Variants in PSMC2 observed in about 807,000 individuals in gnomAD.
PSMC2 encodes 26S proteasome regulatory subunit 7.
A neutral mutation model predicts 53.3 loss-of-function variants in PSMC2; 7 were observed. That is an observed-to-expected ratio of 0.13 (90% CI 0.07 to 0.25). PSMC2 has a LOEUF of 0.25. Among genes scored for constraint, PSMC2 ranks in the 10% least tolerant of loss-of-function variants. The pLI is 1.00. For missense variants in PSMC2, 241 were observed against 544.0 expected (o/e 0.44, Z 5.54); for synonymous variants, 169 against 183.9 (o/e 0.92, Z 0.66).
intron 1 of PSMC2, chr7:103,348,860 T>A: frequency 1.8e-6 from 1 of 545,456 alleles, no homozygotes; most frequent in Non-Finnish European, 3.4e-6. Flanking sequence ...TTTAAAAAAA[T>A]GAATAATCTT....
rs1180665415 is a variant in PSMC2, at chr7:103,368,666, G to A, written c.*612G>A. 2 of 152,016 alleles carry A rather than the reference G, an allele frequency of 1.3e-5. No individual in the cohort carries two copies. Among genetic ancestry groups the A allele is most frequent in the African/African-American group, 4.8e-5 (2 of 41,366 alleles). The allele number at this position is 152,016 out of a possible 1,614,324, so 9.4% of individuals were successfully genotyped here. A position where few individuals can be genotyped will look rare whatever the true frequency, so the allele number is the denominator to read the frequency against. ...TGCCATTTGATTTCAAATTAATCAGGAAGAATTAGTGATTTTAATGAGCAG... is the reference window on the plus strand; with the variant it reads ...TGCCATTTGATTTCAAATTAATCAGAAAGAATTAGTGATTTTAATGAGCAG... On this transcript the variant is annotated 3_prime_UTR_variant, in exon 12 of 12. Coordinates refer to ENST00000292644, the MANE Select transcript of PSMC2 (RefSeq NM_002803.4).
intron 4 of PSMC2, 37 bp from the exon 5 acceptor site, chr7:103,361,920 A>C (rs1464668050): frequency 6.3e-6 from 10 of 1,579,436 alleles, no homozygotes; most frequent in Non-Finnish European, 8.6e-6. Context: ...TTAGTGGCTT[A>C]GGTTCCTTAT....
intron 1 of PSMC2, chr7:103,352,718 C>A: frequency 1.5e-6 from 1 of 683,498 alleles, no homozygotes; most frequent in Non-Finnish European, 2.7e-6. Context: ...ATCCTAAAAA[C>A]AACTCATCCT....
At chr7:103,355,599 T>C in intron 3 of PSMC2, 95 bp from the exon 4 acceptor site, 2 of 905,860 alleles carry the variant, frequency 2.2e-6, no homozygotes, top group South Asian at 3.0e-5. Context: ...CAATGAATGA[T>C]TCAGTGCAAA....
chr7:103,348,538 T>G, intron 1 of PSMC2: 4 of 708,750 alleles, frequency 5.6e-6, no homozygotes, highest in Non-Finnish European at 1.0e-5. Context: ...GTGTAGATTT[T>G]TCCAATTTGT....
At chr7:103,362,421 T>C in intron 5 of PSMC2, 3 of 1,352,150 alleles carry the variant, frequency 2.2e-6, no homozygotes, top group Middle Eastern at 2.9e-4. Flanking sequence ...GTCTATAGAA[T>C]ACATAACAAC....
In PSMC2 at chr7:103,368,126, C is replaced by A; in HGVS notation, c.*72C>A. 1.5e-6 allele frequency: 2 copies of A among 1,325,372 alleles called. No homozygotes were observed. The highest frequency in any genetic ancestry group is 1.6e-5 in the South Asian group (1 of 63,188). 82.1% of individuals were successfully genotyped at this position (1,325,372 alleles called of 1,614,324 possible). On this transcript the variant is annotated 3_prime_UTR_variant, in exon 12 of 12. Transcript: ENST00000292644. ...TATATAGACTTGTTAATAACCAATT[C>A]ATAAACAAATAAATGGCTTCAAAAT...
chr7:103,357,381 C>T (rs1354802134), intron 4 of PSMC2, among the ~76,000 whole-genome samples: 1 of 150,950 alleles, frequency 6.6e-6, no homozygotes, highest in Non-Finnish European at 1.5e-5. Context: ...AACTGTATTT[C>T]CCAATTTCTC....
rs374432802 is a variant in PSMC2, at chr7:103,364,958, C to CATACATATATATAT, written c.756+654_756+655insCATATATATATATA. ...GGTTGTTTTTATGTTTGTAGACATACATATATATATATATATATATATATA... is the reference window on the plus strand; with the variant it reads ...GGTTGTTTTTATGTTTGTAGACATACATACATATATATATATATATATATATATATATATATATA... On this transcript the variant is annotated intron_variant, in intron 8 of 11. Coordinates refer to ENST00000292644, the MANE Select transcript of PSMC2 (RefSeq NM_002803.4). Among the ~76,000 whole-genome samples the CATACATATATATAT allele has an allele frequency of 4.8e-5, 6 of 125,490 alleles. No homozygotes were observed. In the East Asian group the frequency reaches 1.5e-3, roughly 31 times the overall value. 82.3% of individuals were successfully genotyped at this position (125,490 alleles called of 152,430 possible). A position where few individuals can be genotyped will look rare whatever the true frequency, so the allele number is the denominator to read the frequency against.
rs773502466 is a variant in PSMC2, at chr7:103,361,909, A to G, written c.291-48A>G. 1.9e-6 allele frequency: 3 copies of G among 1,551,946 alleles called. No homozygotes were observed. The Admixed American group carries it at 6.1e-5, about 32-fold the overall frequency. On this transcript the variant is annotated intron_variant, in intron 4 of 11. Coordinates refer to ENST00000292644, the MANE Select transcript of PSMC2 (RefSeq NM_002803.4). Reference sequence around the variant, plus strand: ...TATAATCTAGTTAGTTGAATTCATTATTAGTGGCTTAGGTTCCTTATTCTA... The same window carrying G: ...TATAATCTAGTTAGTTGAATTCATTGTTAGTGGCTTAGGTTCCTTATTCTA...
Position 103,369,284 on chromosome 7 carries a change from A to G in PSMC2, c.*1230A>G, listed in dbSNP as rs942360533. On this transcript the variant is annotated 3_prime_UTR_variant, in exon 12 of 12. Coordinates refer to ENST00000292644, the MANE Select transcript of PSMC2 (RefSeq NM_002803.4). ...GCCCTAATTTTTCTTGAGGAATTAA[A>G]TAGAGCAAACTATTTTCAGGTTATG... 21 of 152,230 alleles carry G rather than the reference A, an allele frequency of 1.4e-4. No homozygotes were observed. Among genetic ancestry groups the G allele is most frequent in the African/African-American group, 4.8e-4 (20 of 41,458 alleles). 9.4% of individuals were successfully genotyped at this position (152,230 alleles called of 1,614,324 possible).
chr7:103,347,580 C>G (rs1819629583), upstream of PSMC2: 1 of 1,013,792 alleles, frequency 9.9e-7, no homozygotes, highest in Non-Finnish European at 1.5e-6. Context: ...TGTCCGGACT[C>G]TGAAGCACTG....
chr7:103,364,703 C>T (rs1253295973), intron 8 of PSMC2, among the ~76,000 whole-genome samples: 8 of 151,984 alleles, frequency 5.3e-5, no homozygotes, highest in African/African-American at 9.7e-5. Context: ...CCACCACGCC[C>T]GGCCTGAGAC....
At position 103,368,264 on chromosome 7, in the gene PSMC2, G is replaced by T; in HGVS notation, c.*210G>T. 1 of 502,438 alleles carries T rather than the reference G, an allele frequency of 2.0e-6. No individual in the cohort carries two copies. Among genetic ancestry groups the T allele is most frequent in the Admixed American group, 3.7e-5 (1 of 26,712 alleles). The allele number at this position is 502,438 out of a possible 1,614,324, so 31.1% of individuals were successfully genotyped here. ...TTGACTATTTTTTTGACCCACACCC[G>T]TTTAAGGATTTCACATCATACAAAG... On this transcript the variant is annotated 3_prime_UTR_variant, in exon 12 of 12. Transcript: ENST00000292644.
At chr7:103,348,011 C>G (rs1003690291) in intron 1 of PSMC2, among the ~76,000 whole-genome samples, 2 of 152,150 alleles carry the variant, frequency 1.3e-5, no homozygotes, top group Non-Finnish European at 2.9e-5. Context: ...ATTCTCAGCT[C>G]TCGGGTCTTG....
chr7:103,355,596 T>G, intron 3 of PSMC2, 98 bp from the exon 4 acceptor site: 2 of 881,786 alleles, frequency 2.3e-6, no homozygotes, highest in South Asian at 3.0e-5. Flanking sequence ...TCACAATGAA[T>G]GATTCAGTGC....
intron 1 of PSMC2, 73 bp from the exon 2 acceptor site, chr7:103,353,848 G>A (rs1819870095): frequency 7.8e-7 from 1 of 1,280,042 alleles, no homozygotes; most frequent in Non-Finnish European, 1.1e-6. Flanking sequence ...CAGAAAAAAA[G>A]CTCTAGTTTC....
intron 1 of PSMC2, among the ~76,000 whole-genome samples, chr7:103,349,578 A>G (rs1819682541): frequency 6.6e-6 from 1 of 151,824 alleles, no homozygotes; most frequent in South Asian, 2.1e-4. Flanking sequence ...CCTCCCAAGT[A>G]GCTGGGATTA....
At chr7:103,361,790 G>A (rs977443437) in intron 4 of PSMC2, among the ~76,000 whole-genome samples, 167 bp from the exon 5 acceptor site, 6 of 152,130 alleles carry the variant, frequency 3.9e-5, no homozygotes, top group Non-Finnish European at 8.8e-5. Context: ...GGCTAAAGTC[G>A]AATGGACCTT....
Sources: gnomAD v4.1 joint callset for allele counts (sites outside exome capture counted in the v4.1 genomes callset) on GRCh38, gnomAD v4.1.1 for gene constraint, MANE v1.5 for transcripts, NCBI Gene and HGNC (gene_info 2026-07-23, HGNC 2026-07-21) for gene names.